Variants in DGKE observed in about 807,000 individuals in gnomAD.
The protein encoded by DGKE is diacylglycerol kinase epsilon.
Under a neutral mutation model 70.0 loss-of-function variants are expected in DGKE, and 53 were observed. The observed-to-expected ratio is 0.76, with a 90% CI of 0.61 to 0.95. The LOEUF (loss-of-function observed/expected upper bound fraction) is 0.95, where lower values mean the gene tolerates loss of function less well. DGKE is among the 40% of genes least tolerant of loss of function. The pLI is 0.00. For missense variants in DGKE, 655 were observed against 706.9 expected (o/e 0.93, Z 0.83); for synonymous variants, 291 against 257.0 (o/e 1.13, Z -1.27).
At chr17:56,836,489 C>G (rs1030367851) in intron 2 of DGKE, 1 of 152,174 alleles carries the variant, frequency 6.6e-6, no homozygotes, top group Non-Finnish European at 1.5e-5. Flanking sequence ...CTATTTCCTT[C>G]CCTTCTCTGG....
Position 56,848,751 on chromosome 17 carries a change from A to G in DGKE, c.944A>G (p.Asp315Gly). The G allele has an allele frequency of 1.9e-6, 3 of 1,614,204 alleles. No individual in the cohort carries two copies. Among genetic ancestry groups the G allele is most frequent in the Non-Finnish European group, 8.5e-7 (1 of 1,180,018 alleles). Residue 315 changes from aspartate to glycine, a missense_variant, in exon 6 of 12, where the codon GAT becomes GGT. Coordinates refer to ENST00000284061, the MANE Select transcript of DGKE (RefSeq NM_003647.3). The stretch of plus-strand genomic sequence containing the variant: ...GTTTTGCCTCTGGGAACAGGCAACG[A>G]TCTATCCAATACATTGGGTTGGGGT... ...VAVLPLGTGN[D>G]LSNTLGWGTG...
intron 3 of DGKE, 88 bp downstream of exon 3, chr17:56,844,266 G>A (rs765125553): frequency 1.1e-5 from 9 of 837,002 alleles, no homozygotes; most frequent in Non-Finnish European, 1.5e-5. Flanking sequence ...TATGTAAGAA[G>A]AATTGGTGCC....
At chr17:56,847,843 CT>C (rs1907390340) in intron 4 of DGKE, 78 bp from the exon 5 acceptor site, 1 of 1,060,146 alleles carries the variant, frequency 9.4e-7, no homozygotes, top group Non-Finnish European at 1.3e-6. Flanking sequence ...TGTATCTCTA[CT>C]CATCTAGAGG....
chr17:56,861,724 A>G (rs558976328), intron 9 of DGKE, 67 bp from the exon 10 acceptor site: 3 of 1,588,526 alleles, frequency 1.9e-6, no homozygotes, highest in Non-Finnish European at 2.6e-6. Context: ...AATAGATGTG[A>G]ATTCTAAATG....
Position 56,862,685 on chromosome 17 carries a change from C to T in DGKE, c.1598C>T (p.Thr533Ile). Residue 533 changes from threonine to isoleucine, a missense_variant, in exon 12 of 12, where the codon ACC becomes ATC. Physicochemically the swap from Thr to Ile is moderately conservative, Grantham distance 89 (BLOSUM62 -1). Transcript: ENST00000284061. ...TGGGCCCAAGGGCCCTGCACTGTCACCATAACTCACAAGACACATGCAATG... is the reference window on the plus strand; with the variant it reads ...TGGGCCCAAGGGCCCTGCACTGTCATCATAACTCACAAGACACATGCAATG... The part of the protein sequence containing the change: ...EPWAQGPCTV[T>I]ITHKTHAMML... 6.2e-7 allele frequency: 1 copy of T among 1,610,812 alleles called. No individual in the cohort carries two copies. Among genetic ancestry groups the T allele is most frequent in the Non-Finnish European group, 8.5e-7 (1 of 1,179,016 alleles).
At chr17:56,838,044 A>T (rs1906737049) in intron 2 of DGKE, among the ~76,000 whole-genome samples, 2 of 152,290 alleles carry the variant, frequency 1.3e-5, no homozygotes, top group Admixed American at 6.5e-5. Flanking sequence ...TTATATTTTT[A>T]CATATTCAAT....
intron 4 of DGKE, chr17:56,846,298 G>A (rs1300009947): frequency 6.6e-6 from 1 of 152,230 alleles, no homozygotes; most frequent in African/African-American, 2.4e-5. Context: ...AACATACTAA[G>A]TGAAAGAAGG....
chr17:56,849,563 A>C (rs1457395019), intron 7 of DGKE, among the ~76,000 whole-genome samples: 1 of 152,058 alleles, frequency 6.6e-6, no homozygotes, highest in East Asian at 1.9e-4. Context: ...ATACAGAGAG[A>C]GTAGATCTGT....
intron 2 of DGKE, 167 bp downstream of exon 2, chr17:56,835,426 C>T (rs1906550207): frequency 5.5e-6 from 4 of 728,958 alleles, no homozygotes; most frequent in Non-Finnish European, 8.7e-6. Flanking sequence ...GGCAGCTTTG[C>T]AGTAGTCATT....
intron 2 of DGKE, among the ~76,000 whole-genome samples, chr17:56,842,555 A>G (rs571520554): frequency 6.6e-6 from 1 of 152,344 alleles, no homozygotes; most frequent in South Asian, 2.1e-4. Flanking sequence ...AAATTAACAA[A>G]TGTGATTATG....
chr17:56,852,477 A>G (rs2144258372), intron 7 of DGKE, among the ~76,000 whole-genome samples: 1 of 152,308 alleles, frequency 6.6e-6, no homozygotes, highest in Non-Finnish European at 1.5e-5. Context: ...GATAAATACC[A>G]GAAGAAACTA....
rs116921095 is a variant in DGKE, at chr17:56,864,788, C to T, written c.*1997C>T. The T allele has an allele frequency of 2.3e-4, 35 of 151,904 alleles. No individual in the cohort carries two copies. In the East Asian group the frequency reaches 6.2e-3, roughly 27 times the overall value. The allele number at this position is 151,904 out of a possible 1,614,324, so 9.4% of individuals were successfully genotyped here. On this transcript the variant is annotated 3_prime_UTR_variant, in exon 12 of 12. Coordinates refer to ENST00000284061, the MANE Select transcript of DGKE (RefSeq NM_003647.3). The stretch of plus-strand genomic sequence containing the variant: ...AGCAAATCAATTTAGGATGTTGGAA[C>T]GAAAATAATCACAATAACTAATACA...
intron 4 of DGKE, chr17:56,847,213 A>G (rs1567814946): frequency 8.2e-6 from 1 of 121,528 alleles, no homozygotes; most frequent in Admixed American, 1.0e-4. Context: ...AATTTGTGCT[A>G]AGTTGCACTG....
intron 1 of DGKE, among the ~76,000 whole-genome samples, chr17:56,834,509 A>AGGC (rs1181617201): frequency 6.6e-6 from 1 of 152,088 alleles, no homozygotes; most frequent in African/African-American, 2.4e-5. Context: ...CGGCAAGGTG[A>AGGC]GGCGGCGGCG....
rs759716040 is a variant in DGKE, at chr17:56,858,653, T to C, written c.1272T>C (p.Asn424=). The change falls in exon 9 of 12, where the codon AAT becomes AAC. Residue 424 remains asparagine, a synonymous_variant. Transcript: ENST00000284061. ...DCLVQECKDL[N]KKVELELDGE... ...TAGTGCAAGAATGTAAAGATTTGAATAAAAAAGTTGAGGTAAGCTATTAAC... is the reference window on the plus strand; with the variant it reads ...TAGTGCAAGAATGTAAAGATTTGAACAAAAAAGTTGAGGTAAGCTATTAAC... The C allele has an allele frequency of 5.0e-6, 8 of 1,604,070 alleles. No homozygotes were observed. The highest frequency in any genetic ancestry group is 3.4e-5 in the Admixed American group (2 of 57,986).
chr17:56,852,420 A>C (rs1441815157), intron 7 of DGKE, among the ~76,000 whole-genome samples: 2 of 151,872 alleles, frequency 1.3e-5, no homozygotes, highest in African/African-American at 4.8e-5. Context: ...CTCAAAAAAA[A>C]AAAAATCAAG....
chr17:56,856,831 C>T (rs1907979900), intron 8 of DGKE, among the ~76,000 whole-genome samples: 1 of 151,794 alleles, frequency 6.6e-6, no homozygotes, highest in Admixed American at 6.6e-5. Flanking sequence ...GGCACAGTGG[C>T]TCATGCCTGT....
chr17:56,834,638 G>T, intron 1 of DGKE, 140 bp from the exon 2 acceptor site: 1 of 801,574 alleles, frequency 1.2e-6, no homozygotes, highest in Non-Finnish European at 2.0e-6. Flanking sequence ...CCGGGAGACG[G>T]GGGGACGAGG....
chr17:56,843,884 A>G, intron 2 of DGKE, 135 bp from the exon 3 acceptor site: 1 of 793,756 alleles, frequency 1.3e-6, no homozygotes, highest in Non-Finnish European at 1.9e-6. Flanking sequence ...GATAGTGCAT[A>G]TATTTTATTT....
Sources: gnomAD v4.1 joint callset for allele counts (sites outside exome capture counted in the v4.1 genomes callset) on GRCh38, gnomAD v4.1.1 for gene constraint, MANE v1.5 for transcripts, NCBI Gene and HGNC (gene_info 2026-07-23, HGNC 2026-07-21) for gene names.